The following LRRC59 variants were observed in gnomAD, a reference collection of about 807,000 sequenced individuals.
The protein encoded by LRRC59 is leucine rich repeat containing 59.
Under a neutral mutation model 33.5 loss-of-function variants are expected in LRRC59, and 18 were observed. The observed-to-expected ratio is 0.54, with a 90% CI of 0.37 to 0.80. The LOEUF is 0.80. LRRC59 is among the 30% of genes least tolerant of loss of function. The probability of loss-of-function intolerance (pLI) is 0.00; values close to 1 mark genes in which losing one functional copy is unlikely to be tolerated. For missense variants in LRRC59, 330 were observed against 391.9 expected (o/e 0.84, Z 1.33); for synonymous variants, 138 against 160.0 (o/e 0.86, Z 1.04).
intron 4 of LRRC59, among the ~76,000 whole-genome samples, chr17:50,389,378 C>T (rs17715215): frequency 0.021 from 3,135 of 152,204 alleles, 51 homozygotes; most frequent in Middle Eastern, 0.054. Context: ...TGGAGCCCAA[C>T]GCAATCCTGA....
In LRRC59 at chr17:50,392,446, C is replaced by T; in HGVS notation, c.381G>A (p.Val127=). The part of the protein sequence containing the change: ...DNPLDPVLAK[V]AGDCLDEKQC... ...GCTTCTCATCCAAGCAGTCACCTGC[C>T]ACCTTGGCCAGGACAGGATCCAGGG... The change falls in exon 4 of 7, where the codon GTG becomes GTA. Residue 127 remains valine (V), a synonymous_variant. Transcript: ENST00000225972. 1 of 1,614,174 alleles carries T rather than the reference C, an allele frequency of 6.2e-7. No homozygotes were observed. Among genetic ancestry groups the T allele is most frequent in the Non-Finnish European group, 8.5e-7 (1 of 1,180,038 alleles).
At position 50,397,476 on chromosome 17, in the gene LRRC59, A is replaced by G; in HGVS notation, c.-159T>C. ...GCCTCCGCCCGCTGGCCGCACTCCG[A>G]GCCTCGCGCCTAGCTCCCACCGGTG... is the stretch of plus-strand genomic sequence containing the variant. On this transcript the variant is annotated 5_prime_UTR_variant, in exon 1 of 7. Coordinates refer to ENST00000225972, the MANE Select transcript of LRRC59 (RefSeq NM_018509.4). 1.9e-6 allele frequency: 1 copy of G among 529,018 alleles called. No individual in the cohort carries two copies. The highest frequency in any genetic ancestry group is 3.3e-6 in the Non-Finnish European group (1 of 302,438). 32.8% of individuals were successfully genotyped at this position (529,018 alleles called of 1,614,324 possible).
At chr17:50,390,354 T>C (rs948125079) in intron 4 of LRRC59, among the ~76,000 whole-genome samples, 2 of 151,756 alleles carry the variant, frequency 1.3e-5, no homozygotes, top group African/African-American at 4.8e-5. Flanking sequence ...TAGCCAGTCA[T>C]GGTGGCATGC....
In LRRC59 at chr17:50,382,100, G is replaced by A. The variant is rs1913869341; in HGVS notation, c.*888C>T. 1 of 152,216 alleles carries A rather than the reference G, an allele frequency of 6.6e-6. No homozygotes were observed. The highest frequency in any genetic ancestry group is 2.4e-5 in the African/African-American group (1 of 41,062). 9.4% of individuals were successfully genotyped at this position (152,216 alleles called of 1,614,324 possible). ...TTAGGGAGTTAATGCTCTAAAATTA[G>A]GCAAGGAGCCTGGACTGTTGCCATT... On this transcript the variant is annotated 3_prime_UTR_variant, in exon 7 of 7. Transcript: ENST00000225972.
At chr17:50,388,951 CAG>C (rs1196238535) in intron 4 of LRRC59, among the ~76,000 whole-genome samples, 4 of 152,194 alleles carry the variant, frequency 2.6e-5, no homozygotes, top group Admixed American at 2.0e-4. Context: ...AGGTATCACA[CAG>C]GGGCGTGGCT....
intron 5 of LRRC59, among the ~76,000 whole-genome samples, chr17:50,387,858 T>C (rs1936944894): frequency 6.6e-6 from 1 of 152,164 alleles, no homozygotes; most frequent in South Asian, 2.1e-4. Context: ...AGCAGTTGAC[T>C]GCCTCTAGAG....
chr17:50,391,801 T>C (rs1439881643), intron 4 of LRRC59, among the ~76,000 whole-genome samples: 1 of 152,194 alleles, frequency 6.6e-6, no homozygotes, highest in Non-Finnish European at 1.5e-5. Flanking sequence ...CCCGGTACTA[T>C]TAAAACAACT....
At chr17:50,388,439 G>A (rs991009093) in intron 4 of LRRC59, among the ~76,000 whole-genome samples, 11 of 152,156 alleles carry the variant, frequency 7.2e-5, no homozygotes, top group African/African-American at 2.7e-4. Context: ...TACTTAGGAG[G>A]CCAAGGAGAG....
At chr17:50,386,509 G>A (rs1332751201) in intron 5 of LRRC59, among the ~76,000 whole-genome samples, 1 of 152,216 alleles carries the variant, frequency 6.6e-6, no homozygotes, top group Non-Finnish European at 1.5e-5. Flanking sequence ...TAATGTAGCT[G>A]AATAGTACTA....
intron 1 of LRRC59, among the ~76,000 whole-genome samples, chr17:50,395,557 T>C (rs943928473): frequency 6.6e-6 from 1 of 152,118 alleles, no homozygotes; most frequent in African/African-American, 2.4e-5. Flanking sequence ...AGGTACTCAA[T>C]ATCCATACAT....
intron 5 of LRRC59, among the ~76,000 whole-genome samples, chr17:50,387,799 C>T (rs1914046513): frequency 6.6e-6 from 1 of 152,052 alleles, no homozygotes; most frequent in African/African-American, 2.4e-5. Flanking sequence ...CTGTTTTAGC[C>T]ACATTTCATA....
intron 4 of LRRC59, among the ~76,000 whole-genome samples, chr17:50,390,345 A>T (rs1196677165): frequency 6.6e-6 from 1 of 151,744 alleles, no homozygotes; most frequent in Non-Finnish European, 1.5e-5. Flanking sequence ...TGCAAAAATT[A>T]GCCAGTCATG....
chr17:50,394,455 T>C (rs377268753), intron 2 of LRRC59, among the ~76,000 whole-genome samples: 4 of 152,200 alleles, frequency 2.6e-5, no homozygotes, highest in African/African-American at 9.7e-5. Context: ...TCAAGTCCTT[T>C]GGGAGAATAA....
rs57027679 is a variant in LRRC59, at chr17:50,390,097, C to CAAA, written c.430-1968_430-1966dup. ...TGGACGATAGAGCGTGACTCTGTCT[C>CAAA]AAAAAAAAAAAAAAAAAAAGAAAAA... On this transcript the variant is annotated intron_variant, in intron 4 of 6. Transcript: ENST00000225972. 5.2e-3 allele frequency among the ~76,000 whole-genome samples: 445 copies of CAAA among 85,264 alleles called. 6 individuals are homozygous for CAAA. Among genetic ancestry groups the CAAA allele is most frequent in the African/African-American group, 0.018 (415 of 22,480 alleles). 55.9% of individuals were successfully genotyped at this position (85,264 alleles called of 152,430 possible). A position where few individuals can be genotyped will look rare whatever the true frequency, so the allele number is the denominator to read the frequency against.
chr17:50,394,712 G>T (rs1178601832), intron 2 of LRRC59, among the ~76,000 whole-genome samples: 1 of 152,172 alleles, frequency 6.6e-6, no homozygotes, highest in African/African-American at 2.4e-5. Context: ...CCACTGTTCT[G>T]AAGAATGAGG....
intron 4 of LRRC59, among the ~76,000 whole-genome samples, chr17:50,389,139 G>C (rs187493733): frequency 1.3e-5 from 2 of 152,084 alleles, no homozygotes; most frequent in African/African-American, 4.8e-5. Flanking sequence ...AGAGCTTGTC[G>C]CACACACTTT....
At chr17:50,385,038 C>A in intron 6 of LRRC59, 80 bp downstream of exon 6, 1 of 1,488,726 alleles carries the variant, frequency 6.7e-7, no homozygotes, top group Non-Finnish European at 9.1e-7. Context: ...CAGGCCTGCT[C>A]ACCCCAGTTG....
rs1307491637 is a variant in LRRC59 at position 50,383,147 on chromosome 17, C to CAGG, written c.764_765insCCT (p.Leu256dup). ...CCAGCCCTCCCGCCACACCAAATAG[C>CAGG]AGCAGCAGCAGCAGCAGCTTCAGCA... On this transcript the variant is annotated inframe_insertion, in exon 7 of 7. Coordinates refer to ENST00000225972, the MANE Select transcript of LRRC59 (RefSeq NM_018509.4). The CAGG allele has an allele frequency of 6.4e-7, 1 of 1,571,758 alleles. No homozygotes were observed. The highest frequency in any genetic ancestry group is 1.3e-5 in the African/African-American group (1 of 74,444).
intron 3 of LRRC59, 59 bp downstream of exon 3, chr17:50,392,680 C>T (rs1914175485): frequency 1.9e-6 from 3 of 1,594,800 alleles, no homozygotes; most frequent in Admixed American, 1.7e-5. Context: ...GGGCCGTGCT[C>T]CAGAGTCCCT....
Sources: allele counts gnomAD v4.1 joint callset (sites outside exome capture counted in the v4.1 genomes callset), GRCh38; gene constraint gnomAD v4.1.1; transcripts MANE v1.5; gene names NCBI Gene and HGNC (gene_info 2026-07-23, HGNC 2026-07-21).